The following PIGK variants were observed in gnomAD, a reference collection of about 807,000 sequenced individuals.
PIGK encodes phosphatidylinositol glycan anchor biosynthesis class K.
A neutral mutation model predicts 50.6 loss-of-function variants in PIGK; 42 were observed. The ratio of observed to expected loss-of-function variants is 0.83; its 90% CI spans 0.65 to 1.07. The LOEUF (loss-of-function observed/expected upper bound fraction) is 1.07, where lower values mean the gene tolerates loss of function less well. Ranked by LOEUF, PIGK falls within the 50% of genes least tolerant of loss-of-function variation. The pLI is 0.00. For missense variants in PIGK, 448 were observed against 488.7 expected (o/e 0.92, Z 0.78); for synonymous variants, 151 against 156.0 (o/e 0.97, Z 0.24).
intron 10 of PIGK, among the ~76,000 whole-genome samples, chr1:77,111,847 G>T (rs1339578768): frequency 1.3e-5 from 2 of 151,948 alleles, no homozygotes; most frequent in African/African-American, 2.4e-5. Context: ...TTTTAAACTA[G>T]AAACACCTTA....
intron 10 of PIGK, among the ~76,000 whole-genome samples, chr1:77,114,330 C>T (rs553028649): frequency 4.0e-4 from 61 of 152,178 alleles, no homozygotes; most frequent in African/African-American, 1.3e-3. Context: ...ATTTCATCAA[C>T]GGTACTAGTT....
At chr1:77,135,717 T>C (rs999577385) in intron 9 of PIGK, among the ~76,000 whole-genome samples, 1 of 151,742 alleles carries the variant, frequency 6.6e-6, no homozygotes, top group African/African-American at 2.4e-5. Flanking sequence ...CATTTATTAA[T>C]CACTCTAAAA....
rs1653296158 is a variant in PIGK, at chr1:77,091,444, A to C, written c.*930T>G. The C allele has an allele frequency of 6.6e-6, 1 of 152,222 alleles. No individual in the cohort carries two copies. 9.4% of individuals were successfully genotyped at this position (152,222 alleles called of 1,614,324 possible). A position where few individuals can be genotyped will look rare whatever the true frequency, so the allele number is the denominator to read the frequency against. On this transcript the variant is annotated 3_prime_UTR_variant, in exon 11 of 11. Transcript: ENST00000370812. ...TTTTTCTCAAGGAAAGTATAGATAC[A>C]GCCAGTGGGCAAGGAGGTTTACCTA... is the stretch of plus-strand genomic sequence containing the variant.
At chr1:77,192,339 C>CA (rs1204839611) in intron 3 of PIGK, among the ~76,000 whole-genome samples, 9 of 152,040 alleles carry the variant, frequency 5.9e-5, no homozygotes, top group African/African-American at 2.2e-4. Flanking sequence ...AAATGTAATT[C>CA]AACAATACAT....
chr1:77,182,250 G>C (rs978883060), intron 3 of PIGK, among the ~76,000 whole-genome samples: 1 of 152,182 alleles, frequency 6.6e-6, no homozygotes, highest in Non-Finnish European at 1.5e-5. Context: ...TTACAACTGA[G>C]AGTCAACTTG....
chr1:77,200,036 A>C (rs1345255774), intron 3 of PIGK, among the ~76,000 whole-genome samples: 1 of 152,162 alleles, frequency 6.6e-6, no homozygotes, highest in Non-Finnish European at 1.5e-5. Flanking sequence ...GGAATTAATA[A>C]AGTAGTTAAG....
At chr1:77,129,863 C>G (rs865807278) in intron 9 of PIGK, among the ~76,000 whole-genome samples, 1 of 151,952 alleles carries the variant, frequency 6.6e-6, no homozygotes, top group African/African-American at 2.4e-5. Context: ...AAGTAAATTG[C>G]TATCCAAAAT....
At chr1:77,144,717 T>C (rs1654728490) in intron 9 of PIGK, among the ~76,000 whole-genome samples, 1 of 151,854 alleles carries the variant, frequency 6.6e-6, no homozygotes, top group Non-Finnish European at 1.5e-5. Flanking sequence ...AACAAAAAAC[T>C]ACCCATGATA....
intron 3 of PIGK, among the ~76,000 whole-genome samples, chr1:77,183,915 A>G (rs1014759681): frequency 6.6e-6 from 1 of 152,112 alleles, no homozygotes; most frequent in African/African-American, 2.4e-5. Context: ...TCCAGAAGAT[A>G]TATCCTTGAC....
At chr1:77,174,521 C>T (rs910613676) in intron 3 of PIGK, among the ~76,000 whole-genome samples, 2 of 152,150 alleles carry the variant, frequency 1.3e-5, no homozygotes, top group African/African-American at 4.8e-5. Flanking sequence ...CATCACAAGA[C>T]AGCTTTGGTG....
In PIGK at chr1:77,154,432, T is replaced by A. The variant is rs1310864555; in HGVS notation, c.986+17A>T. The A allele has an allele frequency of 6.4e-7, 1 of 1,569,960 alleles. No homozygotes were observed. Reference sequence around the variant, plus strand: ...TGAGACTAGTATTCTATTCAAATAATGGTTTAAGATGAATACCTGCTTTCC... The same window carrying A: ...TGAGACTAGTATTCTATTCAAATAAAGGTTTAAGATGAATACCTGCTTTCC... On this transcript the variant is annotated intron_variant, in intron 9 of 10. Transcript: ENST00000370812.
At chr1:77,197,615 T>C (rs923150552) in intron 3 of PIGK, among the ~76,000 whole-genome samples, 2 of 152,218 alleles carry the variant, frequency 1.3e-5, no homozygotes, top group Non-Finnish European at 2.9e-5. Context: ...CTTTGTTGGT[T>C]TGATAGTAAT....
At chr1:77,185,630 A>G (rs961818857) in intron 3 of PIGK, among the ~76,000 whole-genome samples, 2 of 152,090 alleles carry the variant, frequency 1.3e-5, no homozygotes, top group Non-Finnish European at 2.9e-5. Context: ...CGGCCCATTT[A>G]TTGAGTGACC....
At chr1:77,129,136 C>T (rs1570204886) in intron 9 of PIGK, 28 of 1,411,920 alleles carry the variant, frequency 2.0e-5, no homozygotes, top group Non-Finnish European at 2.6e-5. Flanking sequence ...TCACTTGACC[C>T]GGAGAACCCC....
chr1:77,105,357 T>A (rs371959362), intron 10 of PIGK, among the ~76,000 whole-genome samples: 1 of 151,838 alleles, frequency 6.6e-6, no homozygotes, highest in African/African-American at 2.4e-5. Flanking sequence ...AAGAACCAAT[T>A]GGGAGAGAGT....
chr1:77,143,689 T>C (rs1300041096), intron 9 of PIGK, among the ~76,000 whole-genome samples: 2 of 152,136 alleles, frequency 1.3e-5, no homozygotes, highest in African/African-American at 4.8e-5. Flanking sequence ...GACAGTTCCC[T>C]ATATACAAAT....
At chr1:77,156,054 AAAG>A (rs1376759281) in intron 8 of PIGK, among the ~76,000 whole-genome samples, 1 of 152,220 alleles carries the variant, frequency 6.6e-6, no homozygotes, top group Non-Finnish European at 1.5e-5. Flanking sequence ...AAGGAAACAC[AAAG>A]AAGGACTCAG....
intron 3 of PIGK, among the ~76,000 whole-genome samples, chr1:77,206,016 C>A (rs1656278349): frequency 6.6e-6 from 1 of 152,056 alleles, no homozygotes; most frequent in African/African-American, 2.4e-5. Context: ...ATATAACATT[C>A]CCACCAAGAC....
intron 10 of PIGK, 120 bp downstream of exon 10, chr1:77,122,155 T>TGG: frequency 7.9e-6 from 5 of 629,050 alleles, no homozygotes; most frequent in Non-Finnish European, 1.4e-5. Context: ...TAAATAGGGA[T>TGG]AGACAGCCCA....
Sources: gnomAD v4.1 joint callset for allele counts (sites outside exome capture counted in the v4.1 genomes callset) on GRCh38, gnomAD v4.1.1 for gene constraint, MANE v1.5 for transcripts, NCBI Gene and HGNC (gene_info 2026-07-23, HGNC 2026-07-21) for gene names.